The following INIP variants were observed in gnomAD, a reference collection of about 807,000 sequenced individuals.
INIP encodes INTS3 and NABP interacting protein.
Under a neutral mutation model 14.0 loss-of-function variants are expected in INIP, and 9 were observed. That is an observed-to-expected ratio of 0.64 (90% CI 0.39 to 1.12). INIP has a LOEUF of 1.12. Ranked by LOEUF, INIP falls within the 50% of genes most tolerant of loss-of-function variation. The pLI is 0.01. For synonymous variants in INIP, 37 were observed against 41.5 expected (o/e 0.89, Z 0.41); for missense variants, 78 against 122.7 (o/e 0.64, Z 1.72).
intron 2 of INIP, among the ~76,000 whole-genome samples, chr9:112,706,233 AC>A (rs1838464150): frequency 6.6e-6 from 1 of 152,206 alleles, no homozygotes; most frequent in African/African-American, 2.4e-5. Context: ...AGAAAAGGGA[AC>A]CCTTGCACAC....
chr9:112,712,988 G>C (rs1021426135), intron 2 of INIP, among the ~76,000 whole-genome samples: 2 of 152,068 alleles, frequency 1.3e-5, no homozygotes, highest in Non-Finnish European at 2.9e-5. Context: ...ATTACATACA[G>C]GATAAGAACA....
chr9:112,691,387 G>A (rs1837879392), intron 3 of INIP, among the ~76,000 whole-genome samples: 1 of 152,210 alleles, frequency 6.6e-6, no homozygotes, highest in Non-Finnish European at 1.5e-5. Context: ...GGAGAGCGGG[G>A]AGAATGAGTT....
chr9:112,716,597 A>C, intron 1 of INIP, 56 bp from the exon 2 acceptor site: 1 of 886,748 alleles, frequency 1.1e-6, no homozygotes, highest in Non-Finnish European at 1.9e-6. Flanking sequence ...CACAAACTAA[A>C]AGGAACAGCT....
At chr9:112,717,398 T>G (rs1253426439) in intron 1 of INIP, among the ~76,000 whole-genome samples, 3 of 152,158 alleles carry the variant, frequency 2.0e-5, no homozygotes, top group Non-Finnish European at 2.9e-5. Context: ...TAGTAGGAAT[T>G]ATTTGGGCTG....
intron 3 of INIP, among the ~76,000 whole-genome samples, chr9:112,690,130 C>T (rs1470628964): frequency 6.6e-6 from 1 of 152,032 alleles, no homozygotes; most frequent in Admixed American, 6.6e-5. Context: ...AAATGTAGAC[C>T]TTATCCTAAC....
At chr9:112,716,377 G>T in intron 2 of INIP, 84 bp downstream of exon 2, 1 of 1,235,312 alleles carries the variant, frequency 8.1e-7, no homozygotes, top group Non-Finnish European at 1.2e-6. Flanking sequence ...TACAGTAACT[G>T]CCCTATGCTA....
intron 2 of INIP, among the ~76,000 whole-genome samples, chr9:112,701,307 C>CA (rs1838293736): frequency 6.6e-6 from 1 of 151,948 alleles, no homozygotes; most frequent in Non-Finnish European, 1.5e-5. Flanking sequence ...AACTCTGTCT[C>CA]AAAAAACAAA....
chr9:112,702,784 TG>T (rs1838341662), intron 2 of INIP, among the ~76,000 whole-genome samples: 1 of 152,096 alleles, frequency 6.6e-6, no homozygotes, highest in African/African-American at 2.4e-5. Context: ...AGGATGGTCT[TG>T]ATCTCTTGAC....
intron 2 of INIP, 82 bp downstream of exon 2, chr9:112,716,379 C>G: frequency 7.9e-7 from 1 of 1,264,690 alleles, no homozygotes. Context: ...CAGTAACTGC[C>G]CTATGCTAAA....
chr9:112,713,234 ATT>A (rs1356232459), intron 2 of INIP, among the ~76,000 whole-genome samples: 1 of 152,258 alleles, frequency 6.6e-6, no homozygotes, highest in Non-Finnish European at 1.5e-5. Context: ...AAGGAAATGC[ATT>A]TTAATACTAC....
At chr9:112,694,421 C>G (rs142604483) in intron 2 of INIP, among the ~76,000 whole-genome samples, 188 bp from the exon 3 acceptor site, 244 of 152,286 alleles carry the variant, frequency 1.6e-3, no homozygotes, top group African/African-American at 5.6e-3. Flanking sequence ...TTCCCAGTAA[C>G]TTTAACAGCA....
Position 112,684,676 on chromosome 9 carries a change from A to G in INIP, c.*2862T>C, listed in dbSNP as rs1837594477. The G allele has an allele frequency of 6.6e-6, 1 of 152,190 alleles. No homozygotes were observed. The highest frequency in any genetic ancestry group is 2.4e-5 in the African/African-American group (1 of 41,454). 9.4% of individuals were successfully genotyped at this position (152,190 alleles called of 1,614,324 possible). On this transcript the variant is annotated 3_prime_UTR_variant, in exon 5 of 5. Coordinates refer to ENST00000374242, the MANE Select transcript of INIP (RefSeq NM_021218.3). ...GATGTTTTTGATTTTTTCGGAAAAA[A>G]TGCTGGTCAATCCTGTTAAACCATT...
chr9:112,686,314 C>G lies in INIP; in HGVS notation c.*1224G>C, dbSNP rs1237748772. ...TGTACAAGATATTTCATAGAATTCTCTATCTCATGGTTTTCAGACTTTATT... is the reference window on the plus strand; with the variant it reads ...TGTACAAGATATTTCATAGAATTCTGTATCTCATGGTTTTCAGACTTTATT... On this transcript the variant is annotated 3_prime_UTR_variant, in exon 5 of 5. Coordinates refer to ENST00000374242, the MANE Select transcript of INIP (RefSeq NM_021218.3). 6.6e-6 allele frequency: 1 copy of G among 152,004 alleles called. No homozygotes were observed. Among genetic ancestry groups the G allele is most frequent in the East Asian group, 1.9e-4 (1 of 5,182 alleles). 9.4% of individuals were successfully genotyped at this position (152,004 alleles called of 1,614,324 possible). A position where few individuals can be genotyped will look rare whatever the true frequency, so the allele number is the denominator to read the frequency against.
intron 3 of INIP, among the ~76,000 whole-genome samples, chr9:112,690,095 T>A (rs138320666): frequency 6.6e-6 from 1 of 152,320 alleles, no homozygotes; most frequent in African/African-American, 2.4e-5. Context: ...TTACTGAGAT[T>A]TTAAATGGTC....
intron 1 of INIP, among the ~76,000 whole-genome samples, 159 bp downstream of exon 1, chr9:112,717,828 G>C (rs1838877939): frequency 6.6e-6 from 1 of 152,118 alleles, no homozygotes; most frequent in Non-Finnish European, 1.5e-5. Context: ...GGCTGGGCCC[G>C]GGCTGTGAAC....
intron 2 of INIP, chr9:112,702,012 C>T (rs1838314451): frequency 1.3e-5 from 2 of 152,054 alleles, no homozygotes; most frequent in African/African-American, 2.4e-5. Flanking sequence ...TTAGCCATGA[C>T]TGGACTGTGC....
rs551177070 is a variant in INIP at position 112,715,447 on chromosome 9, TTTTTGAC to T, written c.25+1007_25+1013del. ...TTATAAACTTTTAAATTTTTTTAAC[TTTTTGAC>T]TTTTGTAATAACACTTAGCTTAAAA... On this transcript the variant is annotated intron_variant, in intron 2 of 4. Transcript: ENST00000374242. Among the ~76,000 whole-genome samples, 376 of 152,336 alleles carry T rather than the reference TTTTTGAC, an allele frequency of 2.5e-3. 6 individuals carry two copies. Among genetic ancestry groups the T allele is most frequent in the African/African-American group, 8.7e-3 (362 of 41,576 alleles).
chr9:112,703,741 C>T (rs1838372174), intron 2 of INIP, among the ~76,000 whole-genome samples: 2 of 151,998 alleles, frequency 1.3e-5, no homozygotes, highest in South Asian at 2.1e-4. Context: ...TGTGCCCAGC[C>T]GAGAAGAATT....
At position 112,684,498 on chromosome 9, in the gene INIP, A is replaced by C. The variant is rs1837588144; in HGVS notation, c.*3040T>G. The C allele has an allele frequency of 6.6e-6, 1 of 152,374 alleles. No homozygotes were observed. Among genetic ancestry groups the C allele is most frequent in the African/African-American group, 2.4e-5 (1 of 41,570 alleles). 9.4% of individuals were successfully genotyped at this position (152,374 alleles called of 1,614,324 possible). A position where few individuals can be genotyped will look rare whatever the true frequency, so the allele number is the denominator to read the frequency against. On this transcript the variant is annotated 3_prime_UTR_variant, in exon 5 of 5. Transcript: ENST00000374242. ...AGCCCAGGGATTCAAGGAGTCTTGC[A>C]GTGAGCTATGATTATACCACTGCAC...
Sources: gnomAD v4.1 joint callset for allele counts (sites outside exome capture counted in the v4.1 genomes callset) on GRCh38, gnomAD v4.1.1 for gene constraint, MANE v1.5 for transcripts, NCBI Gene and HGNC (gene_info 2026-07-23, HGNC 2026-07-21) for gene names.